Variants in NF2 observed in about 807,000 individuals in gnomAD.
The protein encoded by NF2 is NF2, moesin-ezrin-radixin like (MERLIN) tumor suppressor, also known as merlin.
Under a neutral mutation model 83.7 loss-of-function variants are expected in NF2, and 8 were observed. That is an observed-to-expected ratio of 0.10 (90% CI 0.06 to 0.17). NF2 has a LOEUF of 0.17. Ranked by LOEUF, NF2 falls within the 10% of genes least tolerant of loss-of-function variation. NF2 has a pLI of 1.00. For synonymous variants in NF2, 266 were observed against 269.6 expected (o/e 0.99, Z 0.13); for missense variants, 533 against 744.4 (o/e 0.72, Z 3.31).
chr22:29,661,813 G>A (rs936055768), intron 8 of NF2, among the ~76,000 whole-genome samples: 3 of 152,044 alleles, frequency 2.0e-5, no homozygotes, highest in African/African-American at 7.3e-5. Context: ...GGTCTTTATT[G>A]AGCTTTCTTT....
At position 29,674,833 on chromosome 22, in the gene NF2, C is replaced by T. The variant is rs1331920517; in HGVS notation, c.1341-3C>T. 6.4e-7 allele frequency: 1 copy of T among 1,554,476 alleles called. No individual in the cohort carries two copies. Among genetic ancestry groups the T allele is most frequent in the Non-Finnish European group, 8.7e-7 (1 of 1,148,266 alleles). Reference sequence around the variant, plus strand: ...AAGCTGACATCTCATCCTTTCCTTGCAGGGCCAAAGAGGCAGATCAGCTGA... The same window carrying T: ...AAGCTGACATCTCATCCTTTCCTTGTAGGGCCAAAGAGGCAGATCAGCTGA... On this transcript the variant is annotated splice_polypyrimidine_tract_variant and splice_region_variant and intron_variant, in intron 12 of 15. Transcript: ENST00000338641.
At position 29,695,777 on chromosome 22, in the gene NF2, T is replaced by A. The variant is rs2067533712; in HGVS notation, c.*975T>A. On this transcript the variant is annotated 3_prime_UTR_variant, in exon 16 of 16. Transcript: ENST00000338641. This position sits in a 1 kb window ranked among gnomAD's most constrained non-coding sequence, Gnocchi z 5.4. ...GTCTGCACGGCCCATCTGCTTCACCTTCCCTCCCAGCCACGTGCCAGTGGC... is the reference window on the plus strand; with the variant it reads ...GTCTGCACGGCCCATCTGCTTCACCATCCCTCCCAGCCACGTGCCAGTGGC... 1 of 233,790 alleles carries A rather than the reference T, an allele frequency of 4.3e-6. No individual in the cohort carries two copies. Among genetic ancestry groups the A allele is most frequent in the Non-Finnish European group, 8.4e-6 (1 of 118,494 alleles). 14.5% of individuals were successfully genotyped at this position (233,790 alleles called of 1,614,324 possible).
At chr22:29,689,103 C>T (rs2067337928) in intron 15 of NF2, among the ~76,000 whole-genome samples, 1 of 149,676 alleles carries the variant, frequency 6.7e-6, no homozygotes, top group Admixed American at 6.7e-5. Context: ...CACTTAAACC[C>T]AGGAGGCAGA....
At chr22:29,640,449 C>T (rs1411401314) in intron 3 of NF2, among the ~76,000 whole-genome samples, 1 of 152,090 alleles carries the variant, frequency 6.6e-6, no homozygotes, top group Non-Finnish European at 1.5e-5. Flanking sequence ...GTTGACCATC[C>T]AGAGGCACAG....
At chr22:29,650,456 G>T (rs1362381472) in intron 4 of NF2, among the ~76,000 whole-genome samples, 2 of 152,050 alleles carry the variant, frequency 1.3e-5, no homozygotes, top group African/African-American at 2.4e-5. Context: ...CTGTCCATTT[G>T]TATTTCTTTG....
chr22:29,692,397 C>T (rs2067431029), intron 15 of NF2, among the ~76,000 whole-genome samples: 1 of 152,204 alleles, frequency 6.6e-6, no homozygotes, highest in Non-Finnish European at 1.5e-5. Context: ...GGAAGCACCC[C>T]ACCCACCCCA....
intron 15 of NF2, chr22:29,683,823 C>T (rs1222252174): frequency 9.4e-7 from 1 of 1,059,664 alleles, no homozygotes; most frequent in African/African-American, 1.6e-5. Flanking sequence ...ATGTTTGCTG[C>T]TTTTCTCCTG....
chr22:29,624,855 TTCTTTCTTTCTTTC>T (rs2065315605), intron 1 of NF2, among the ~76,000 whole-genome samples: 1 of 139,586 alleles, frequency 7.2e-6, no homozygotes, highest in South Asian at 2.3e-4. Context: ...CTTTCTTTCT[TTCTTTCTTTCTTTC>T]TCTTTCTCTC....
At chr22:29,627,845 T>C (rs772638418) in intron 1 of NF2, among the ~76,000 whole-genome samples, 10 of 152,208 alleles carry the variant, frequency 6.6e-5, no homozygotes, top group Non-Finnish European at 1.3e-4. Context: ...TTTTCTTCTT[T>C]GGTTGTTTGA....
At chr22:29,649,649 C>T (rs1192389276) in intron 4 of NF2, among the ~76,000 whole-genome samples, 2 of 151,772 alleles carry the variant, frequency 1.3e-5, no homozygotes, top group Admixed American at 6.6e-5. Context: ...GGCTGAGGCA[C>T]GAGAATCACT....
At chr22:29,678,165 A>G (rs1396933439) in intron 13 of NF2, 31 bp from the exon 14 acceptor site, 2 of 1,613,202 alleles carry the variant, frequency 1.2e-6, no homozygotes, top group Admixed American at 3.3e-5. Flanking sequence ...TGTATGACCC[A>G]AGCTCCTAAT....
At chr22:29,666,767 A>G (rs915153647) in intron 9 of NF2, among the ~76,000 whole-genome samples, 1 of 152,146 alleles carries the variant, frequency 6.6e-6, no homozygotes, top group South Asian at 2.1e-4. Flanking sequence ...ACCTGAGGTC[A>G]GGAGTTCAAG....
At chr22:29,604,671 T>C (rs2064738863) in intron 1 of NF2, among the ~76,000 whole-genome samples, 1 of 152,174 alleles carries the variant, frequency 6.6e-6, no homozygotes, top group South Asian at 2.1e-4. Flanking sequence ...ATCTAGTAAA[T>C]GGCAAGGTGG....
intron 15 of NF2, among the ~76,000 whole-genome samples, chr22:29,684,926 C>A (rs1310914955): frequency 1.3e-5 from 2 of 151,996 alleles, no homozygotes; most frequent in Non-Finnish European, 2.9e-5. Flanking sequence ...GTGGTGCATG[C>A]TGCAGTCTGG....
intron 14 of NF2, among the ~76,000 whole-genome samples, chr22:29,680,205 G>A (rs1238026618): frequency 6.6e-6 from 1 of 151,688 alleles, no homozygotes; most frequent in Non-Finnish European, 1.5e-5. Flanking sequence ...TCCACCTCCT[G>A]GGTGCAAGCG....
At chr22:29,673,531 G>T in intron 12 of NF2, 45 bp downstream of exon 12, 1 of 1,571,932 alleles carries the variant, frequency 6.4e-7, no homozygotes, top group Non-Finnish European at 8.6e-7. Flanking sequence ...GCTGGCGAAG[G>T]GCCGCAGACC....
intron 1 of NF2, chr22:29,609,498 T>C: frequency 3.5e-6 from 1 of 285,338 alleles, no homozygotes; most frequent in Non-Finnish European, 7.2e-6. Context: ...ATTCTCTTGA[T>C]TGATGAAACC....
At chr22:29,654,999 C>G (rs925265449) in intron 5 of NF2, among the ~76,000 whole-genome samples, 4 of 151,982 alleles carry the variant, frequency 2.6e-5, no homozygotes, top group African/African-American at 9.7e-5. Context: ...CATTGATTCC[C>G]AAAGAGGAGG....
chr22:29,663,919 T>G (rs1233337210), intron 8 of NF2, among the ~76,000 whole-genome samples: 2 of 152,190 alleles, frequency 1.3e-5, no homozygotes. Context: ...TAACCCTAGG[T>G]TCTCCTACCA....
Sources: gnomAD v4.1 joint callset for allele counts (sites outside exome capture counted in the v4.1 genomes callset) on GRCh38, gnomAD v4.1.1 for gene constraint, Gnocchi (gnomAD v3.1) non-coding constraint, MANE v1.5 for transcripts, NCBI Gene and HGNC (gene_info 2026-07-23, HGNC 2026-07-21) for gene names.